The following CCSER1 variants were observed in gnomAD, a reference collection of about 807,000 sequenced individuals.
CCSER1 encodes serine-rich coiled-coil domain-containing protein 1.
A neutral mutation model predicts 82.0 loss-of-function variants in CCSER1; 41 were observed. The ratio of observed to expected loss-of-function variants is 0.50; its 90% CI spans 0.39 to 0.65. The LOEUF is 0.65. Ranked by LOEUF, CCSER1 falls within the 30% of genes least tolerant of loss-of-function variation. The probability of loss-of-function intolerance (pLI) is 0.00; values close to 1 mark genes in which losing one functional copy is unlikely to be tolerated. For synonymous variants in CCSER1, 414 were observed against 383.9 expected, an observed-to-expected ratio of 1.08 and a Z score of -0.92; for missense variants, 1,119 against 1,064.2, an observed-to-expected ratio of 1.05 and a Z score of -0.72.
chr4:91,088,940 G>GT (rs201812241), intron 10 of CCSER1, among the ~76,000 whole-genome samples: 1,571 of 152,030 alleles, frequency 0.01, 25 homozygotes, highest in African/African-American at 0.036. Flanking sequence ...ATTTTAGGTA[G>GT]TTTTTTTGTT....
intron 9 of CCSER1, among the ~76,000 whole-genome samples, chr4:90,941,330 T>G (rs1340037871): frequency 6.6e-6 from 1 of 152,132 alleles, no homozygotes; most frequent in Non-Finnish European, 1.5e-5. Flanking sequence ...CATATAGCTA[T>G]GTTTTAAATG....
chr4:90,301,528 A>G (rs2153474121), intron 1 of CCSER1, among the ~76,000 whole-genome samples: 1 of 152,298 alleles, frequency 6.6e-6, no homozygotes, highest in East Asian at 1.9e-4. Context: ...ATTGTCTTCA[A>G]GTTAATCTTA....
At chr4:91,004,006 G>A (rs1457861930) in intron 9 of CCSER1, among the ~76,000 whole-genome samples, 1 of 152,168 alleles carries the variant, frequency 6.6e-6, no homozygotes, top group Non-Finnish European at 1.5e-5. Context: ...CCCCAGTCAG[G>A]GTGTGTGTTC....
intron 4 of CCSER1, among the ~76,000 whole-genome samples, chr4:90,438,551 C>A (rs1190663840): frequency 6.6e-6 from 1 of 151,846 alleles, no homozygotes. Flanking sequence ...TGAAAAGAGA[C>A]AAATTTAGAA....
At chr4:91,093,125 A>G (rs893902890) in intron 10 of CCSER1, among the ~76,000 whole-genome samples, 2 of 152,220 alleles carry the variant, frequency 1.3e-5, no homozygotes, top group Non-Finnish European at 2.9e-5. Context: ...AGTTAAAGCA[A>G]TGAGTTCTTC....
intron 9 of CCSER1, among the ~76,000 whole-genome samples, chr4:90,960,232 CATAGTTCAAGA>C (rs1345348798): frequency 6.6e-6 from 1 of 151,994 alleles, no homozygotes; most frequent in Non-Finnish European, 1.5e-5. Flanking sequence ...CATCATGAAG[CATAGTTCAAGA>C]ATACAGAGAT....
Position 90,309,565 on chromosome 4 carries a change from T to A in CCSER1, c.1281T>A (p.Ile427=), listed in dbSNP as rs1392209177. ...TACCTACTTCTGGTGATCATCATAT[T>A]TTTAACAAAACATCACATGGATATG... ...KIIPTSGDHH[I]FNKTSHGYEA... is the part of the protein sequence containing the mutation. Residue 427 remains isoleucine (I), a synonymous_variant, in exon 2 of 11, where the codon ATT becomes ATA. Transcript: ENST00000509176. 6.2e-7 allele frequency: 1 copy of A among 1,604,922 alleles called. No homozygotes were observed. The highest frequency in any genetic ancestry group is 8.5e-7 in the Non-Finnish European group (1 of 1,177,082).
intron 10 of CCSER1, chr4:91,319,498 C>T (rs1746047460): frequency 8.0e-6 from 3 of 374,042 alleles, no homozygotes; most frequent in Non-Finnish European, 1.0e-5. Context: ...CTTTGGCATT[C>T]CCTCATGGAA....
At chr4:90,551,832 T>C (rs1777558395) in intron 5 of CCSER1, among the ~76,000 whole-genome samples, 1 of 151,952 alleles carries the variant, frequency 6.6e-6, no homozygotes, top group South Asian at 2.1e-4. Context: ...TTCATGCTGC[T>C]GTGACAAAAT....
At chr4:90,646,678 A>G (rs193026543) in intron 6 of CCSER1, among the ~76,000 whole-genome samples, 1 of 152,132 alleles carries the variant, frequency 6.6e-6, no homozygotes, top group African/African-American at 2.4e-5. Flanking sequence ...ATTTCTGTCT[A>G]CTTTTAGGCT....
chr4:91,443,740 TATAA>T (rs1392560902), intron 10 of CCSER1, among the ~76,000 whole-genome samples: 2 of 148,266 alleles, frequency 1.3e-5, no homozygotes, highest in African/African-American at 2.4e-5. Flanking sequence ...TGTATATATA[TATAA>T]ATATGTATTA....
chr4:90,328,533 TC>T (rs1490554129), intron 3 of CCSER1, among the ~76,000 whole-genome samples: 1 of 152,244 alleles, frequency 6.6e-6, no homozygotes, highest in African/African-American at 2.4e-5. Flanking sequence ...AATACTATTT[TC>T]TACTCTCACT....
intron 9 of CCSER1, among the ~76,000 whole-genome samples, chr4:90,960,613 T>C (rs1222008083): frequency 2.6e-5 from 4 of 152,166 alleles, no homozygotes; most frequent in African/African-American, 7.2e-5. Flanking sequence ...GTGTCACTTC[T>C]CTGTGAACTA....
At chr4:90,501,216 A>T (rs142271439) in intron 5 of CCSER1, among the ~76,000 whole-genome samples, 71 of 152,344 alleles carry the variant, frequency 4.7e-4, no homozygotes, top group African/African-American at 1.6e-3. Context: ...TGATATTCAC[A>T]GGAATTTCAC....
chr4:91,554,041 G>T (rs1191065597), intron 10 of CCSER1, among the ~76,000 whole-genome samples: 1 of 147,854 alleles, frequency 6.8e-6, no homozygotes, highest in African/African-American at 2.5e-5. Flanking sequence ...TTCCTTCTTA[G>T]AAATGCTTTC....
intron 6 of CCSER1, chr4:90,642,405 T>C (rs1726705297): frequency 6.6e-6 from 1 of 152,376 alleles, no homozygotes; most frequent in Non-Finnish European, 1.5e-5. Flanking sequence ...GTGACTCGTT[T>C]AGCTGGAATG....
At chr4:90,325,819 A>C (rs1301121456) in intron 3 of CCSER1, 3 of 241,274 alleles carry the variant, frequency 1.2e-5, no homozygotes, top group African/African-American at 6.6e-5. Context: ...AAGTCAAAGA[A>C]ATTCTGACTC....
At chr4:90,783,304 A>G (rs952785936) in intron 7 of CCSER1, among the ~76,000 whole-genome samples, 1 of 152,204 alleles carries the variant, frequency 6.6e-6, no homozygotes, top group Non-Finnish European at 1.5e-5. Flanking sequence ...AGGACATAAA[A>G]CTAACTGCTA....
At chr4:90,451,911 G>GC (rs1761509830) in intron 4 of CCSER1, among the ~76,000 whole-genome samples, 7 of 152,158 alleles carry the variant, frequency 4.6e-5, no homozygotes, top group Admixed American at 4.6e-4. Flanking sequence ...GACACTTAAT[G>GC]AGAGACCCAT....
Sources: gnomAD v4.1 joint callset for allele counts (sites outside exome capture counted in the v4.1 genomes callset) on GRCh38, gnomAD v4.1.1 for gene constraint, MANE v1.5 for transcripts, NCBI Gene and HGNC (gene_info 2026-07-23, HGNC 2026-07-21) for gene names.